Variants in FNDC3A observed in about 807,000 individuals in gnomAD.
The protein encoded by FNDC3A is fibronectin type III domain containing 3A.
A neutral mutation model predicts 148.9 loss-of-function variants in FNDC3A; 32 were observed. That is an observed-to-expected ratio of 0.21 (90% CI 0.16 to 0.29). The LOEUF is 0.29. FNDC3A is among the 10% of genes least tolerant of loss of function. FNDC3A has a pLI of 1.00. For synonymous variants in FNDC3A, 472 were observed against 473.6 expected (o/e 1.00, Z 0.04); for missense variants, 1,191 against 1,452.8 (o/e 0.82, Z 2.93).
At chr13:49,185,895 CTTTG>C in intron 14 of FNDC3A, 65 bp from the exon 15 acceptor site, 1 of 1,244,234 alleles carries the variant, frequency 8.0e-7, no homozygotes, top group Non-Finnish European at 1.1e-6. Flanking sequence ...TCTCCTATCA[CTTTG>C]TTTATTAAGC....
At chr13:49,063,077 T>G (rs577250460) in intron 2 of FNDC3A, among the ~76,000 whole-genome samples, 1 of 152,318 alleles carries the variant, frequency 6.6e-6, no homozygotes, top group South Asian at 2.1e-4. Flanking sequence ...TATTAGTAAT[T>G]TATAGAATTC....
rs768970380 is a variant in FNDC3A at position 49,197,975 on chromosome 13, T to C, written c.2491-7T>C. On this transcript the variant is annotated splice_polypyrimidine_tract_variant and splice_region_variant and intron_variant, in intron 21 of 25. Coordinates refer to ENST00000492622, the MANE Select transcript of FNDC3A (RefSeq NM_001079673.2). The stretch of plus-strand genomic sequence containing the variant: ...TTTGTTAACTCGGAGGCTCTGTTAA[T>C]TTGTAGGCTCTGAGTGTTGTGGGTG... 3.1e-6 allele frequency: 5 copies of C among 1,605,676 alleles called. No homozygotes were observed. The highest frequency in any genetic ancestry group is 4.3e-6 in the Non-Finnish European group (5 of 1,175,990).
At chr13:49,067,166 T>C (rs1877323562) in intron 2 of FNDC3A, among the ~76,000 whole-genome samples, 1 of 152,184 alleles carries the variant, frequency 6.6e-6, no homozygotes, top group South Asian at 2.1e-4. Flanking sequence ...AACTAAAAAT[T>C]TTTAGTTTTA....
At chr13:49,061,355 TTA>T (rs1876688031) in intron 2 of FNDC3A, among the ~76,000 whole-genome samples, 3 of 3,400 alleles carry the variant, frequency 8.8e-4, no homozygotes, top group African/African-American at 2.9e-3. Context: ...TTCCCTTCCC[TTA>T]CCTTCCCTTC....
At chr13:48,987,294 A>G (rs1293039326) in intron 1 of FNDC3A, among the ~76,000 whole-genome samples, 3 of 152,160 alleles carry the variant, frequency 2.0e-5, no homozygotes, top group Admixed American at 6.5e-5. Flanking sequence ...AAACTGATCT[A>G]TGTGCACACT....
At chr13:49,188,186 G>C (rs557544814) in intron 16 of FNDC3A, among the ~76,000 whole-genome samples, 1 of 152,108 alleles carries the variant, frequency 6.6e-6, no homozygotes, top group Non-Finnish European at 1.5e-5. Flanking sequence ...TCTGATACTG[G>C]TTTTTTGTAC....
chr13:49,102,223 G>A (rs202230701), intron 3 of FNDC3A, among the ~76,000 whole-genome samples: 1 of 151,372 alleles, frequency 6.6e-6, no homozygotes, highest in Non-Finnish European at 1.5e-5. Context: ...ATCATGGCTT[G>A]TGTTTTGGTT....
chr13:49,066,836 C>T (rs573393818), intron 2 of FNDC3A, among the ~76,000 whole-genome samples: 1 of 152,134 alleles, frequency 6.6e-6, no homozygotes, highest in East Asian at 1.9e-4. Context: ...TAATACTTTC[C>T]CCTCACTGCC....
chr13:49,199,517 G>A (rs544471383), intron 23 of FNDC3A, among the ~76,000 whole-genome samples: 142 of 151,942 alleles, frequency 9.3e-4, no homozygotes, highest in Admixed American at 1.6e-3. Flanking sequence ...TAGTAGAGGC[G>A]GAGTTTCACC....
At chr13:49,176,722 C>T (rs1483778771) in intron 13 of FNDC3A, among the ~76,000 whole-genome samples, 1 of 152,168 alleles carries the variant, frequency 6.6e-6, no homozygotes, top group African/African-American at 2.4e-5. Flanking sequence ...AGTATTGCCA[C>T]AGTAGTTAGC....
At chr13:49,129,063 T>G (rs1250944235) in intron 4 of FNDC3A, among the ~76,000 whole-genome samples, 1 of 152,270 alleles carries the variant, frequency 6.6e-6, no homozygotes, top group Non-Finnish European at 1.5e-5. Context: ...TGTCTGCCCC[T>G]GTTAGTGTGG....
chr13:49,055,726 G>A (rs1295862273), intron 2 of FNDC3A, among the ~76,000 whole-genome samples: 3 of 151,908 alleles, frequency 2.0e-5, no homozygotes, highest in South Asian at 2.1e-4. Flanking sequence ...TTTCCAGATC[G>A]AACCAATATA....
chr13:49,054,107 A>C (rs1489529673), intron 2 of FNDC3A, among the ~76,000 whole-genome samples: 1 of 152,122 alleles, frequency 6.6e-6, no homozygotes, highest in Non-Finnish European at 1.5e-5. Flanking sequence ...ATAATGAGGC[A>C]TGTCTAACCA....
At chr13:49,144,848 G>C (rs1457974053) in intron 7 of FNDC3A, among the ~76,000 whole-genome samples, 1 of 152,092 alleles carries the variant, frequency 6.6e-6, no homozygotes, top group Admixed American at 6.6e-5. Context: ...CACAGTGTAT[G>C]TACTGCTTTC....
chr13:49,127,230 A>G (rs950682752), intron 4 of FNDC3A, among the ~76,000 whole-genome samples: 1 of 152,212 alleles, frequency 6.6e-6, no homozygotes, highest in Non-Finnish European at 1.5e-5. Flanking sequence ...GTTCTCTGCT[A>G]GATTATTTTC....
chr13:49,118,147 A>G (rs1409204899), intron 4 of FNDC3A, among the ~76,000 whole-genome samples: 1 of 152,112 alleles, frequency 6.6e-6, no homozygotes, highest in Non-Finnish European at 1.5e-5. Flanking sequence ...TTTTTAGTTA[A>G]TTTAAGTTTC....
At chr13:48,976,519 C>G (rs376612404) in intron 1 of FNDC3A, 1 of 152,460 alleles carries the variant, frequency 6.6e-6, no homozygotes, top group Non-Finnish European at 1.5e-5. Flanking sequence ...CGCTGGTGCG[C>G]GGGCGGCCCT....
In FNDC3A at chr13:49,174,530, A is replaced by G; in HGVS notation, c.1326A>G (p.Arg442=). ...KLSPAMGCKF[R]LSARNDYGTS... Reference sequence around the variant, plus strand: ...CACCAGCAATGGGCTGTAAATTCAGACTATCGGCCAGAAATGACTATGGTA... The same window carrying G: ...CACCAGCAATGGGCTGTAAATTCAGGCTATCGGCCAGAAATGACTATGGTA... Residue 442 remains arginine, a synonymous_variant, in exon 12 of 26, where the codon AGA becomes AGG. Transcript: ENST00000492622. 2 of 1,612,824 alleles carry G rather than the reference A, an allele frequency of 1.2e-6. No individual in the cohort carries two copies. The highest frequency in any genetic ancestry group is 1.7e-6 in the Non-Finnish European group (2 of 1,179,034).
chr13:48,988,816 G>T (rs1194329158), intron 1 of FNDC3A, among the ~76,000 whole-genome samples: 1 of 150,922 alleles, frequency 6.6e-6, no homozygotes, highest in African/African-American at 2.4e-5. Context: ...CTGCACTCCA[G>T]CCTGGGTGAG....
Sources: allele counts gnomAD v4.1 joint callset (sites outside exome capture counted in the v4.1 genomes callset), GRCh38; gene constraint gnomAD v4.1.1; transcripts MANE v1.5; gene names NCBI Gene and HGNC (gene_info 2026-07-23, HGNC 2026-07-21).